The following TBCA variants were observed in gnomAD, a reference collection of about 807,000 sequenced individuals.
TBCA encodes the protein tubulin folding cofactor A.
Under a neutral mutation model 15.8 loss-of-function variants are expected in TBCA, and 6 were observed. The observed-to-expected ratio is 0.38, with a 90% CI of 0.21 to 0.75. The LOEUF (loss-of-function observed/expected upper bound fraction) is 0.75, where lower values mean the gene tolerates loss of function less well. Ranked by LOEUF, TBCA falls within the 30% of genes least tolerant of loss-of-function variation. The probability of loss-of-function intolerance (pLI) is 0.46; values close to 1 mark genes in which losing one functional copy is unlikely to be tolerated. For missense variants in TBCA, 90 were observed against 131.2 expected (o/e 0.69, Z 1.53); for synonymous variants, 32 against 42.3 (o/e 0.76, Z 0.94).
At chr5:77,693,010 A>T in intron 3 of TBCA, 1 of 1,421,902 alleles carries the variant, frequency 7.0e-7, no homozygotes, top group Non-Finnish European at 9.1e-7. Flanking sequence ...TACTGGTACT[A>T]TCATAACTTA....
chr5:77,715,764 A>T (rs1746386229), intron 1 of TBCA, among the ~76,000 whole-genome samples: 1 of 152,238 alleles, frequency 6.6e-6, no homozygotes, highest in African/African-American at 2.4e-5. Flanking sequence ...AAAAGTGGGT[A>T]AGATGACTCC....
chr5:77,751,159 C>CTTTTTTTTTT (rs10573352), intron 1 of TBCA, among the ~76,000 whole-genome samples: 2 of 81,930 alleles, frequency 2.4e-5, no homozygotes, highest in African/African-American at 4.5e-5. Context: ...TTCTTTCTTT[C>CTTTTTTTTTT]TTTTTTTTTT....
intron 1 of TBCA, among the ~76,000 whole-genome samples, chr5:77,756,205 T>C (rs1036757446): frequency 1.3e-5 from 2 of 152,170 alleles, no homozygotes; most frequent in Non-Finnish European, 2.9e-5. Flanking sequence ...CATGGAGTCA[T>C]TTCCACCCTC....
chr5:77,701,965 C>A (rs1746029717), intron 2 of TBCA, among the ~76,000 whole-genome samples: 2 of 151,688 alleles, frequency 1.3e-5, no homozygotes, highest in African/African-American at 4.8e-5. Flanking sequence ...TATGTTCTCA[C>A]TTATAAGTGG....
At chr5:77,731,424 T>C (rs952233562) in intron 1 of TBCA, among the ~76,000 whole-genome samples, 3 of 152,212 alleles carry the variant, frequency 2.0e-5, no homozygotes, top group Non-Finnish European at 4.4e-5. Flanking sequence ...TATGAGTTAC[T>C]GGGAAAATTA....
chr5:77,693,496 G>T, intron 2 of TBCA, 144 bp from the exon 3 acceptor site: 1 of 1,037,072 alleles, frequency 9.6e-7, no homozygotes, highest in Non-Finnish European at 1.4e-6. Context: ...AACTTAAATT[G>T]TATTTATTAG....
chr5:77,691,900 T>C (rs1745759599), intron 3 of TBCA: 1 of 989,826 alleles, frequency 1.0e-6, no homozygotes, highest in Non-Finnish European at 1.2e-6. Context: ...AATAATCCAC[T>C]GACTATTCAC....
At chr5:77,732,117 C>CA (rs1746786451) in intron 1 of TBCA, among the ~76,000 whole-genome samples, 3 of 152,042 alleles carry the variant, frequency 2.0e-5, no homozygotes, top group Non-Finnish European at 2.9e-5. Flanking sequence ...TATCTGGTGT[C>CA]AAAAAATGAA....
At chr5:77,700,663 T>C (rs923745076) in intron 2 of TBCA, among the ~76,000 whole-genome samples, 4 of 152,218 alleles carry the variant, frequency 2.6e-5, no homozygotes, top group Non-Finnish European at 5.9e-5. Context: ...TAGTTTCTTT[T>C]AAAACAAAAA....
chr5:77,763,261 A>T (rs549788641), intron 1 of TBCA, among the ~76,000 whole-genome samples: 340 of 152,078 alleles, frequency 2.2e-3, no homozygotes, highest in South Asian at 7.0e-3. Context: ...ATAAATAAAT[A>T]AAATAAATAA....
chr5:77,729,532 A>G (rs1746713526), intron 1 of TBCA, among the ~76,000 whole-genome samples: 1 of 152,230 alleles, frequency 6.6e-6, no homozygotes, highest in African/African-American at 2.4e-5. Flanking sequence ...GCATTTCAAG[A>G]AGGTGTCTCA....
At chr5:77,754,317 G>A (rs1317317214) in intron 1 of TBCA, among the ~76,000 whole-genome samples, 1 of 151,830 alleles carries the variant, frequency 6.6e-6, no homozygotes, top group Non-Finnish European at 1.5e-5. Flanking sequence ...CTTTTACCTT[G>A]TTTTATACAT....
In TBCA at chr5:77,776,312, G is replaced by A; in HGVS notation, c.-55C>T. Reference sequence around the variant, plus strand: ...CGGAGAGCCGGGGTAACCGTGGAGGGCGACGCGCAGAGGCTGCGGCTATTT... The same window carrying A: ...CGGAGAGCCGGGGTAACCGTGGAGGACGACGCGCAGAGGCTGCGGCTATTT... On this transcript the variant is annotated 5_prime_UTR_variant, in exon 1 of 4. Transcript: ENST00000380377. 1.3e-6 allele frequency: 2 copies of A among 1,549,512 alleles called. No homozygotes were observed. The highest frequency in any genetic ancestry group is 2.4e-5 in the South Asian group (2 of 84,100).
intron 1 of TBCA, among the ~76,000 whole-genome samples, chr5:77,725,788 T>C (rs1185487911): frequency 6.6e-6 from 1 of 152,240 alleles, no homozygotes; most frequent in Non-Finnish European, 1.5e-5. Context: ...TATGCTACCA[T>C]AAGTGTCTTA....
chr5:77,727,030 T>C (rs192618157), intron 1 of TBCA, among the ~76,000 whole-genome samples: 152 of 152,176 alleles, frequency 1.0e-3, no homozygotes, highest in African/African-American at 3.4e-3. Flanking sequence ...GTTACTAATT[T>C]CTAACAATGT....
At chr5:77,729,080 G>A (rs537530059) in intron 1 of TBCA, among the ~76,000 whole-genome samples, 153 of 152,122 alleles carry the variant, frequency 1.0e-3, no homozygotes, top group Non-Finnish European at 1.7e-3. Context: ...TTGGGAGGCC[G>A]AGGCGAGTGG....
At chr5:77,772,689 G>A (rs1189811202) in intron 1 of TBCA, among the ~76,000 whole-genome samples, 2 of 151,952 alleles carry the variant, frequency 1.3e-5, no homozygotes, top group East Asian at 1.9e-4. Context: ...TACATAAGTG[G>A]GAAGCTATAC....
chr5:77,757,155 T>G (rs570593828), intron 1 of TBCA, among the ~76,000 whole-genome samples: 4 of 152,172 alleles, frequency 2.6e-5, no homozygotes, highest in South Asian at 2.1e-4. Context: ...TCAGGTAGAG[T>G]TGGTCAAATC....
intron 2 of TBCA, among the ~76,000 whole-genome samples, chr5:77,707,902 C>T (rs1197845429): frequency 6.6e-6 from 1 of 151,942 alleles, no homozygotes; most frequent in Non-Finnish European, 1.5e-5. Flanking sequence ...GCCTGTAATC[C>T]CAGCACTTTA....
Sources: allele counts gnomAD v4.1 joint callset (sites outside exome capture counted in the v4.1 genomes callset), GRCh38; gene constraint gnomAD v4.1.1; transcripts MANE v1.5; gene names NCBI Gene and HGNC (gene_info 2026-07-23, HGNC 2026-07-21).